Variants in RARB observed in about 807,000 individuals in gnomAD.
RARB encodes retinoic acid receptor beta, also known as HBV-activated protein.
In RARB, 17 loss-of-function variants were observed where a neutral mutation model predicts 51.9. That is an observed-to-expected ratio of 0.33 (90% CI 0.22 to 0.49). The LOEUF (loss-of-function observed/expected upper bound fraction) is 0.49. Ranked by LOEUF, RARB falls within the 20% of genes least tolerant of loss-of-function variation. The probability of loss-of-function intolerance (pLI) is 0.99; values close to 1 mark genes in which losing one functional copy is unlikely to be tolerated. For synonymous variants in RARB, 215 were observed against 195.4 expected (o/e 1.10, Z -0.84); for missense variants, 369 against 550.8 (o/e 0.67, Z 3.30).
chr3:25,501,417 A>T, intron 3 of RARB, 94 bp downstream of exon 3: 1 of 1,475,378 alleles, frequency 6.8e-7, no homozygotes, highest in East Asian at 2.5e-5. Flanking sequence ...CACGACACTA[A>T]CGAAATCTTG....
In RARB at chr3:24,850,154, G is replaced by C. The variant is rs184149037; in HGVS notation, c.-458-8520G>C. 3.3e-5 allele frequency among the ~76,000 whole-genome samples: 5 copies of C among 152,216 alleles called. No individual in the cohort carries two copies. In the East Asian group the frequency reaches 9.7e-4, roughly 29 times the overall value. On this transcript the variant is annotated intron_variant, in intron 1 of 11. Transcript: ENST00000383772. Reference sequence around the variant, plus strand: ...CTAGCAGCATTAATCCATTCATGTGGGTAGAACCCTCATGACCTAAACACA... The same window carrying C: ...CTAGCAGCATTAATCCATTCATGTGCGTAGAACCCTCATGACCTAAACACA...
chr3:25,230,307 T>C (rs1480881443), intron 5 of RARB, among the ~76,000 whole-genome samples: 1 of 152,094 alleles, frequency 6.6e-6, no homozygotes, highest in Admixed American at 6.6e-5. Flanking sequence ...ACCTATGGAT[T>C]CCTAAGAAAT....
At chr3:24,982,145 G>A (rs942868904) in intron 2 of RARB, among the ~76,000 whole-genome samples, 2 of 152,190 alleles carry the variant, frequency 1.3e-5, no homozygotes, top group African/African-American at 4.8e-5. Flanking sequence ...GCAGCTGGTG[G>A]GACTTGTGGC....
chr3:25,419,096 G>T (rs1707787067), intron 5 of RARB, among the ~76,000 whole-genome samples: 1 of 151,718 alleles, frequency 6.6e-6, no homozygotes, highest in Admixed American at 6.6e-5. Flanking sequence ...AAGTATGATT[G>T]GCCAAAGGAG....
intron 2 of RARB, among the ~76,000 whole-genome samples, chr3:24,994,064 T>C (rs979015163): frequency 6.6e-6 from 1 of 152,180 alleles, no homozygotes; most frequent in African/African-American, 2.4e-5. Context: ...ATTTGTAGTT[T>C]ATTGAGGAAC....
chr3:25,080,200 T>A (rs572701541), intron 3 of RARB, among the ~76,000 whole-genome samples: 24 of 152,348 alleles, frequency 1.6e-4, no homozygotes, highest in Non-Finnish European at 3.1e-4. Flanking sequence ...AGTTTGTGTC[T>A]GATTTGTTTC....
intron 5 of RARB, among the ~76,000 whole-genome samples, chr3:25,342,916 GGTGA>G (rs1705272709): frequency 6.6e-6 from 1 of 152,000 alleles, no homozygotes; most frequent in Non-Finnish European, 1.5e-5. Flanking sequence ...GCTGCTTTGT[GGTGA>G]GTATCAGAAA....
intron 1 of RARB, among the ~76,000 whole-genome samples, chr3:24,831,106 G>A (rs915037288): frequency 6.6e-6 from 1 of 152,166 alleles, no homozygotes; most frequent in Non-Finnish European, 1.5e-5. Context: ...TCAGAAAGAA[G>A]TAAAAGGCAT....
At chr3:25,588,925 C>G (rs1291812561) in intron 5 of RARB, among the ~76,000 whole-genome samples, 1 of 152,196 alleles carries the variant, frequency 6.6e-6, no homozygotes, top group Non-Finnish European at 1.5e-5. Context: ...CACACCATCA[C>G]TTTCACCATA....
At chr3:24,854,630 T>C (rs890864418) in intron 1 of RARB, among the ~76,000 whole-genome samples, 4 of 152,158 alleles carry the variant, frequency 2.6e-5, no homozygotes, top group African/African-American at 9.7e-5. Context: ...GCCCTCCTCT[T>C]CTTGATGCAT....
chr3:25,260,016 T>A, intron 5 of RARB: 1 of 983,518 alleles, frequency 1.0e-6, no homozygotes. Context: ...TTTTGAAACG[T>A]TTTTCCCCTT....
chr3:25,518,550 A>G (rs934977362), intron 3 of RARB, among the ~76,000 whole-genome samples: 2 of 152,182 alleles, frequency 1.3e-5, no homozygotes, highest in Non-Finnish European at 2.9e-5. Flanking sequence ...GGCATGCAAA[A>G]GCAAGGCAAT....
intron 5 of RARB, among the ~76,000 whole-genome samples, chr3:25,413,598 C>T (rs1003139622): frequency 1.3e-5 from 2 of 151,364 alleles, no homozygotes; most frequent in African/African-American, 4.9e-5. Flanking sequence ...TTCCCACTGG[C>T]AGTATATGAA....
intron 2 of RARB, among the ~76,000 whole-genome samples, chr3:24,954,391 G>GA (rs1337622021): frequency 2.6e-5 from 4 of 152,140 alleles, no homozygotes; most frequent in East Asian, 1.9e-4. Flanking sequence ...CTGACAGCCT[G>GA]AAAAAATCAG....
At chr3:25,085,312 G>A (rs1377208597) in intron 3 of RARB, among the ~76,000 whole-genome samples, 1 of 152,120 alleles carries the variant, frequency 6.6e-6, no homozygotes, top group Non-Finnish European at 1.5e-5. Context: ...ATCATTCTTA[G>A]GTTAGTCAAC....
chr3:24,873,039 A>T (rs1288632137), intron 2 of RARB, among the ~76,000 whole-genome samples: 1 of 152,242 alleles, frequency 6.6e-6, no homozygotes, highest in Non-Finnish European at 1.5e-5. Flanking sequence ...CAGCTATTCT[A>T]GCATAAAAGC....
chr3:25,342,726 A>G (rs570192980), intron 5 of RARB, among the ~76,000 whole-genome samples: 1 of 152,090 alleles, frequency 6.6e-6, no homozygotes, highest in Non-Finnish European at 1.5e-5. Context: ...CCTATGATAC[A>G]TTTTTCTGCC....
chr3:25,586,185 T>C (rs1701379319), intron 5 of RARB, among the ~76,000 whole-genome samples: 1 of 152,114 alleles, frequency 6.6e-6, no homozygotes, highest in African/African-American at 2.4e-5. Context: ...ACCCACCCTC[T>C]TCTCCTCATG....
intron 3 of RARB, among the ~76,000 whole-genome samples, chr3:25,086,876 T>C (rs895352606): frequency 2.0e-5 from 3 of 152,138 alleles, no homozygotes; most frequent in African/African-American, 7.2e-5. Flanking sequence ...CATAGCCTGC[T>C]TCAGAGAGAA....
Sources: gnomAD v4.1 joint callset for allele counts (sites outside exome capture counted in the v4.1 genomes callset) on GRCh38, gnomAD v4.1.1 for gene constraint, MANE v1.5 for transcripts, NCBI Gene and HGNC (gene_info 2026-07-23, HGNC 2026-07-21) for gene names.